Variants in GNPNAT1 observed in about 807,000 individuals in gnomAD.
GNPNAT1 encodes the protein glucosamine 6-phosphate N-acetyltransferase.
Under a neutral mutation model 19.8 loss-of-function variants are expected in GNPNAT1, and 11 were observed. That is an observed-to-expected ratio of 0.56 (90% CI 0.35 to 0.92). The LOEUF (loss-of-function observed/expected upper bound fraction) is 0.92. Among genes scored for constraint, GNPNAT1 ranks in the 40% least tolerant of loss-of-function variants. The pLI, the probability that GNPNAT1 is intolerant of heterozygous loss-of-function variation, is 0.01. For synonymous variants in GNPNAT1, 71 were observed against 72.3 expected, an observed-to-expected ratio of 0.98 and a Z score of 0.09; for missense variants, 157 against 211.0, an observed-to-expected ratio of 0.74 and a Z score of 1.59.
intron 1 of GNPNAT1, among the ~76,000 whole-genome samples, chr14:52,789,234 C>G (rs1020870355): frequency 2.0e-5 from 3 of 152,120 alleles, no homozygotes; most frequent in Admixed American, 1.3e-4. Context: ...ACAAGGAACC[C>G]TGCATTTTAA....
chr14:52,789,026 CATT>C (rs1316210018), intron 1 of GNPNAT1, among the ~76,000 whole-genome samples: 1 of 152,114 alleles, frequency 6.6e-6, no homozygotes, highest in African/African-American at 2.4e-5. Flanking sequence ...AACGATGTAT[CATT>C]ATTATCCCAA....
Position 52,781,929 on chromosome 14 carries a change from C to CA in GNPNAT1, c.218-19dup. 1 of 1,595,268 alleles carries CA rather than the reference C, an allele frequency of 6.3e-7. No homozygotes were observed. Among genetic ancestry groups the CA allele is most frequent in the Non-Finnish European group, 8.5e-7 (1 of 1,173,322 alleles). On this transcript the variant is annotated intron_variant, in intron 3 of 5. Coordinates refer to ENST00000216410, the MANE Select transcript of GNPNAT1 (RefSeq NM_198066.4). ...AAAAGATTCTGTGGAAATTGGATAA[C>CA]AAAGTGTTACATAGTAGACATTCAA...
chr14:52,787,941 C>T (rs1043847371), intron 1 of GNPNAT1: 1 of 151,776 alleles, frequency 6.6e-6, no homozygotes, highest in African/African-American at 2.4e-5. Flanking sequence ...TAGAAAAGAA[C>T]GTAGTTTATA....
chr14:52,787,969 G>GT (rs1389990373), intron 1 of GNPNAT1: 1 of 151,896 alleles, frequency 6.6e-6, no homozygotes, highest in East Asian at 2.0e-4. Context: ...CTGCTGAGAG[G>GT]TCCCCCCAGC....
intron 1 of GNPNAT1, among the ~76,000 whole-genome samples, chr14:52,787,167 A>C (rs1434975075): frequency 6.6e-6 from 1 of 152,116 alleles, no homozygotes; most frequent in African/African-American, 2.4e-5. Context: ...ACTTATTTCT[A>C]TATCCAGTTA....
rs1882783163 is a variant in GNPNAT1, at chr14:52,778,138, A to ATGT, written c.*170_*172dup. ...TTCATTTGTAATCTAAATTCACAGC[A>ATGT]TGTCCCACCAGCCCAAAGTAATCTT... On this transcript the variant is annotated 3_prime_UTR_variant, in exon 6 of 6. Coordinates refer to ENST00000216410, the MANE Select transcript of GNPNAT1 (RefSeq NM_198066.4). 1.9e-5 allele frequency: 8 copies of ATGT among 413,984 alleles called. No individual in the cohort carries two copies. Among genetic ancestry groups the ATGT allele is most frequent in the Non-Finnish European group, 3.4e-5 (8 of 232,654 alleles). 25.6% of individuals were successfully genotyped at this position (413,984 alleles called of 1,614,324 possible). A position where few individuals can be genotyped will look rare whatever the true frequency, so the allele number is the denominator to read the frequency against.
intron 5 of GNPNAT1, among the ~76,000 whole-genome samples, chr14:52,778,680 A>G (rs1180379461): frequency 6.6e-6 from 1 of 152,108 alleles, no homozygotes; most frequent in Non-Finnish European, 1.5e-5. Context: ...CCAGCTCACT[A>G]ATAAACAGGA....
Position 52,778,195 on chromosome 14 carries a change from G to GT in GNPNAT1, c.*115dup, listed in dbSNP as rs1003743752. 18 of 690,462 alleles carry GT rather than the reference G, an allele frequency of 2.6e-5. No individual in the cohort carries two copies. The highest frequency in any genetic ancestry group is 2.3e-4 in the East Asian group (8 of 34,908). 42.8% of individuals were successfully genotyped at this position (690,462 alleles called of 1,614,324 possible). On this transcript the variant is annotated 3_prime_UTR_variant, in exon 6 of 6. Transcript: ENST00000216410. ...GTCATTATACTTGTAGTATTACAAT[G>GT]TTTTTTCAGTCCAGTATTTATGGAG...
chr14:52,788,318 G>C (rs1248810205), intron 1 of GNPNAT1, among the ~76,000 whole-genome samples: 1 of 151,350 alleles, frequency 6.6e-6, no homozygotes, highest in African/African-American at 2.4e-5. Flanking sequence ...ATTTTTAGTA[G>C]AGATGGGGCT....
chr14:52,784,620 G>A lies in GNPNAT1; in HGVS notation c.31C>T (p.Pro11Ser), dbSNP rs751287647. 8.8e-6 allele frequency: 14 copies of A among 1,585,398 alleles called. No homozygotes were observed. The highest frequency in any genetic ancestry group is 1.0e-5 in the Non-Finnish European group (12 of 1,164,868). The change falls in exon 2 of 6, where the codon CCA becomes TCA. Residue 11 changes from proline (P) to serine (S), a missense_variant. Pro to Ser is a moderately conservative substitution (Grantham distance 74). Coordinates refer to ENST00000216410, the MANE Select transcript of GNPNAT1 (RefSeq NM_198066.4). ...CAGTCCACTTCTTTGAGTAGACTTG[G>A]GTCAAACATAGGAGTTTCATCAGGT... MKPDETPMFD[P>S]SLLKEVDWSQ...
chr14:52,787,269 A>G (rs1883044964), intron 1 of GNPNAT1, among the ~76,000 whole-genome samples: 1 of 152,124 alleles, frequency 6.6e-6, no homozygotes, highest in Non-Finnish European at 1.5e-5. Context: ...CTTTAGGGCA[A>G]ATATTCTTAA....
At chr14:52,784,987 G>C (rs955907467) in intron 1 of GNPNAT1, among the ~76,000 whole-genome samples, 18 of 148,352 alleles carry the variant, frequency 1.2e-4, no homozygotes, top group South Asian at 4.3e-4. Flanking sequence ...GTGCAGAGGC[G>C]TGATCCCGGC....
In GNPNAT1 at chr14:52,791,037, A is replaced by G. The variant is rs1367365053; in HGVS notation, c.-15+391T>C. On this transcript the variant is annotated intron_variant, in intron 1 of 5. Coordinates refer to ENST00000216410, the MANE Select transcript of GNPNAT1 (RefSeq NM_198066.4). This position sits in a 1 kb window ranked among gnomAD's most constrained non-coding sequence, Gnocchi z 4.1. ...GATGCGCCCGGGAATGGGAGAAGAG[A>G]AGGGGCCTGGGACGTTCGTGCCCAT... Among the ~76,000 whole-genome samples, 1 of 152,064 alleles carries G rather than the reference A, an allele frequency of 6.6e-6. No homozygotes were observed. The highest frequency in any genetic ancestry group is 2.4e-5 in the African/African-American group (1 of 41,424).
intron 1 of GNPNAT1, among the ~76,000 whole-genome samples, chr14:52,790,459 TG>T (rs1490066097): frequency 6.6e-6 from 1 of 152,230 alleles, no homozygotes; most frequent in African/African-American, 2.4e-5. Context: ...TTTATTAAAT[TG>T]TGTAACTGCA....
chr14:52,780,533 A>C, intron 5 of GNPNAT1, 146 bp downstream of exon 5: 1 of 587,976 alleles, frequency 1.7e-6, no homozygotes, highest in Non-Finnish European at 3.0e-6. Flanking sequence ...ATAATACTTT[A>C]TTTCTTCATG....
Position 52,791,267 on chromosome 14 carries a change from A to C in GNPNAT1, c.-15+161T>G. 6.6e-6 allele frequency among the ~76,000 whole-genome samples: 1 copy of C among 151,896 alleles called. No homozygotes were observed. The highest frequency in any genetic ancestry group is 1.5e-5 in the Non-Finnish European group (1 of 67,966). On this transcript the variant is annotated intron_variant, in intron 1 of 5. Coordinates refer to ENST00000216410, the MANE Select transcript of GNPNAT1 (RefSeq NM_198066.4). This position sits in a 1 kb window ranked among gnomAD's most constrained non-coding sequence, Gnocchi z 4.1. Reference sequence around the variant, plus strand: ...GGGAACCGCGCTCCACACCATGTGCACCCAGCTGGCGAGGATTAACGCCCA... The same window carrying C: ...GGGAACCGCGCTCCACACCATGTGCCCCCAGCTGGCGAGGATTAACGCCCA...
At chr14:52,783,203 A>G (rs1882934223) in intron 3 of GNPNAT1, among the ~76,000 whole-genome samples, 1 of 152,132 alleles carries the variant, frequency 6.6e-6, no homozygotes, top group Non-Finnish European at 1.5e-5. Context: ...TACAATAATT[A>G]TCTAATAAAG....
intron 1 of GNPNAT1, among the ~76,000 whole-genome samples, chr14:52,790,240 G>A (rs539732583): frequency 1.3e-5 from 2 of 152,278 alleles, no homozygotes; most frequent in Admixed American, 6.5e-5. Context: ...GATTTTAAAA[G>A]TCGATCTACA....
intron 1 of GNPNAT1, among the ~76,000 whole-genome samples, chr14:52,785,463 C>A (rs1479497638): frequency 6.6e-6 from 1 of 151,688 alleles, no homozygotes; most frequent in Non-Finnish European, 1.5e-5. Context: ...TGGCTCACAC[C>A]TGTAATACCA....
Sources: allele counts gnomAD v4.1 joint callset (sites outside exome capture counted in the v4.1 genomes callset), GRCh38; gene constraint gnomAD v4.1.1; non-coding constraint Gnocchi (gnomAD v3.1); transcripts MANE v1.5; gene names NCBI Gene and HGNC (gene_info 2026-07-23, HGNC 2026-07-21).